CSF1R: variants seen among roughly 807,000 people sequenced by gnomAD.
CSF1R encodes the protein colony stimulating factor 1 receptor, also known as macrophage colony-stimulating factor 1 receptor.
CSF1R carries 40 observed loss-of-function variants against 110.0 expected under a neutral mutation model. The observed-to-expected ratio is 0.36, with a 90% CI of 0.28 to 0.47. The LOEUF (loss-of-function observed/expected upper bound fraction) is 0.47. Ranked by LOEUF, CSF1R falls within the 20% of genes least tolerant of loss-of-function variation. The probability of loss-of-function intolerance (pLI) is 0.99; values close to 1 mark genes in which losing one functional copy is unlikely to be tolerated. For missense variants in CSF1R, 1,052 were observed against 1,253.0 expected, an observed-to-expected ratio of 0.84 and a Z score of 2.42; for synonymous variants, 523 against 503.4, an observed-to-expected ratio of 1.04 and a Z score of -0.52.
intron 1 of CSF1R, among the ~76,000 whole-genome samples, chr5:150,106,569 G>A (rs528329733): frequency 1.7e-3 from 259 of 152,236 alleles, no homozygotes; most frequent in African/African-American, 6.0e-3. Context: ...ACAAAGGTTC[G>A]ACCACACCTA....
chr5:150,112,764 C>T (rs571199238), intron 1 of CSF1R, among the ~76,000 whole-genome samples: 2 of 152,284 alleles, frequency 1.3e-5, no homozygotes, highest in East Asian at 3.9e-4. Context: ...CTCAGCTGCC[C>T]CTGAGTTGGC....
chr5:150,066,464 G>A (rs1228075239), intron 10 of CSF1R, among the ~76,000 whole-genome samples: 1 of 152,198 alleles, frequency 6.6e-6, no homozygotes, highest in African/African-American at 2.4e-5. Context: ...CATGTCAGAG[G>A]AGGAGGGGCT....
chr5:150,058,332 T>A, intron 14 of CSF1R: 1 of 456,286 alleles, frequency 2.2e-6, no homozygotes, highest in Non-Finnish European at 4.4e-6. Flanking sequence ...GAAGCACTAC[T>A]GCTCCTAACG....
upstream of CSF1R, among the ~76,000 whole-genome samples, chr5:150,087,668 C>T (rs1246459550): frequency 6.6e-6 from 1 of 152,124 alleles, no homozygotes; most frequent in Non-Finnish European, 1.5e-5. Flanking sequence ...GCTTTTACCT[C>T]TTTTAGTTGA....
rs1757150765 is a variant in CSF1R at position 150,055,226 on chromosome 5, C to G, written c.2654+11G>C. On this transcript the variant is annotated intron_variant, in intron 19 of 20. Coordinates refer to ENST00000675795, the MANE Select transcript of CSF1R (RefSeq NM_001288705.3). ...GGTGTCCTTTTCCCTCCCTGGGATCCCTTCGCTTACATATTCTTTGGGGCA... is the reference window on the plus strand; with the variant it reads ...GGTGTCCTTTTCCCTCCCTGGGATCGCTTCGCTTACATATTCTTTGGGGCA... 6.2e-7 allele frequency: 1 copy of G among 1,612,282 alleles called. No individual in the cohort carries two copies. The highest frequency in any genetic ancestry group is 1.7e-5 in the Admixed American group (1 of 60,018).
intron 9 of CSF1R, among the ~76,000 whole-genome samples, chr5:150,069,380 C>T (rs969420118): frequency 2.0e-5 from 3 of 152,152 alleles, no homozygotes; most frequent in Admixed American, 6.5e-5. Flanking sequence ...CAGCCTCTTG[C>T]ACAGCAACCT....
At chr5:150,067,477 G>A (rs2113803106) in intron 10 of CSF1R, among the ~76,000 whole-genome samples, 1 of 152,262 alleles carries the variant, frequency 6.6e-6, no homozygotes, top group South Asian at 2.1e-4. Context: ...GGTTGCTGAG[G>A]GCATTAAATG....
At chr5:150,071,274 ATTT>A (rs1440160200) in intron 6 of CSF1R, among the ~76,000 whole-genome samples, 1 of 152,174 alleles carries the variant, frequency 6.6e-6, no homozygotes, top group Non-Finnish European at 1.5e-5. Flanking sequence ...ATTCTGGGAA[ATTT>A]TTTGTTTTAT....
At position 150,070,056 on chromosome 5, in the gene CSF1R, C is replaced by T. The variant is rs769742792; in HGVS notation, c.1327G>A (p.Glu443Lys). The T allele has an allele frequency of 1.9e-6, 3 of 1,613,732 alleles. No homozygotes were observed. Among genetic ancestry groups the T allele is most frequent in the Admixed American group, 3.3e-5 (2 of 59,984 alleles). Residue 443 changes from glutamate (E) to lysine (K), a missense_variant, in exon 9 of 21, where the codon GAG (glutamate) becomes AAG (lysine). Physicochemically the swap from Glu to Lys is moderately conservative, Grantham distance 56. Around this residue, in one of 5 missense-constraint regions of CSF1R, gnomAD observed 693 missense variants for 735.4 expected, o/e 0.94. Transcript: ENST00000675795. ...QCSGHTDRCDEAQVLQVWDDP... is the reference protein window; with the variant it reads ...QCSGHTDRCDKAQVLQVWDDP... ...TCCCAGACCTGCAGCACTTGGGCCT[C>T]ATCACACCTGGCAAAAGCAGAATGT... is the stretch of plus-strand genomic sequence containing the variant.
intron 13 of CSF1R, among the ~76,000 whole-genome samples, 187 bp from the exon 14 acceptor site, chr5:150,060,049 G>A (rs755373347): frequency 6.6e-6 from 1 of 152,064 alleles, no homozygotes; most frequent in African/African-American, 2.4e-5. Flanking sequence ...TGGCTTTGGC[G>A]GGGCACGGTG....
intron 1 of CSF1R, among the ~76,000 whole-genome samples, chr5:150,092,295 C>T (rs903381745): frequency 2.6e-5 from 4 of 152,216 alleles, no homozygotes; most frequent in African/African-American, 9.6e-5. Context: ...ATATTTATAG[C>T]AGATTAAAAG....
chr5:150,069,560 G>A (rs1395828699), intron 9 of CSF1R, among the ~76,000 whole-genome samples: 3 of 152,116 alleles, frequency 2.0e-5, no homozygotes, highest in Non-Finnish European at 2.9e-5. Context: ...CCTGGCACAC[G>A]GTGCATAATG....
intron 1 of CSF1R, among the ~76,000 whole-genome samples, chr5:150,111,186 G>C (rs2113873214): frequency 6.6e-6 from 1 of 152,354 alleles, no homozygotes; most frequent in East Asian, 1.9e-4. Flanking sequence ...AATGGGAGCT[G>C]TGAGACCCTC....
chr5:150,092,926 GTCTCTC>G (rs59570217), intron 1 of CSF1R, among the ~76,000 whole-genome samples: 1 of 151,454 alleles, frequency 6.6e-6, no homozygotes, highest in Non-Finnish European at 1.5e-5. Context: ...CGTGAATGTA[GTCTCTC>G]TCTCTCTCTC....
In CSF1R at chr5:150,098,889, A is replaced by ATTTTT. The variant is rs571440671; in HGVS notation, c.-180-12283_-180-12282insAAAAA. ...GCTGATAAGGATGAGAATACAAACAACTTTTTTTTTTTTTTTTTTTTGAGA... is the reference window on the plus strand; with the variant it reads ...GCTGATAAGGATGAGAATACAAACAATTTTTCTTTTTTTTTTTTTTTTTTTTGAGA... On this transcript the variant is annotated intron_variant, in intron 1 of 21. Coordinates refer to the CSF1R transcript ENST00000286301. Among the ~76,000 whole-genome samples the ATTTTT allele has an allele frequency of 3.0e-5, 4 of 132,998 alleles. 1 individual carries two copies. The highest frequency in any genetic ancestry group is 4.8e-5 in the Non-Finnish European group (3 of 62,766). 87.3% of individuals were successfully genotyped at this position (132,998 alleles called of 152,430 possible).
rs3733669 is a variant in CSF1R, at chr5:150,059,507, T to G, written c.2132+193A>C. Among the ~76,000 whole-genome samples the G allele has an allele frequency of 4.0e-4, 61 of 152,298 alleles. 1 individual carries two copies. In the East Asian group the frequency reaches 0.011, roughly 28 times the overall value. On this transcript the variant is annotated intron_variant, in intron 14 of 20. Coordinates refer to ENST00000675795, the MANE Select transcript of CSF1R (RefSeq NM_001288705.3). ...GGTAGGTGTTCAAATATTTGTTGAATGAAGGGGAAAAGGAGTAGAGAAACA... is the reference window on the plus strand; with the variant it reads ...GGTAGGTGTTCAAATATTTGTTGAAGGAAGGGGAAAAGGAGTAGAGAAACA...
At chr5:150,106,151 A>G (rs1352784731) in intron 1 of CSF1R, among the ~76,000 whole-genome samples, 7 of 152,224 alleles carry the variant, frequency 4.6e-5, no homozygotes, top group African/African-American at 1.7e-4. Context: ...CATGGGACTC[A>G]GTGGGGTAAG....
intron 1 of CSF1R, among the ~76,000 whole-genome samples, chr5:150,092,600 T>A (rs1480591695): frequency 6.6e-6 from 1 of 152,158 alleles, no homozygotes; most frequent in Non-Finnish European, 1.5e-5. Flanking sequence ...CAGAATCACA[T>A]CCAACATGAT....
intron 1 of CSF1R, among the ~76,000 whole-genome samples, chr5:150,099,255 T>C (rs1015033341): frequency 6.6e-6 from 1 of 152,044 alleles, no homozygotes; most frequent in African/African-American, 2.4e-5. Flanking sequence ...GTAGTCAGGA[T>C]GCAAAAGAGC....
Sources: allele counts gnomAD v4.1 joint callset (sites outside exome capture counted in the v4.1 genomes callset), GRCh38; gene constraint gnomAD v4.1.1; regional missense constraint gnomAD v4.1.1; transcripts MANE v1.5; gene names NCBI Gene and HGNC (gene_info 2026-07-23, HGNC 2026-07-21).